SH3PXD2A: variants seen among roughly 807,000 people sequenced by gnomAD.
The protein encoded by SH3PXD2A is SH3 and PX domain-containing protein 2A.
In SH3PXD2A, 32 loss-of-function variants were observed where a neutral mutation model predicts 115.2. That is an observed-to-expected ratio of 0.28 (90% confidence interval 0.21 to 0.37). SH3PXD2A has a LOEUF of 0.37. Ranked by LOEUF, SH3PXD2A falls within the 10% of genes least tolerant of loss-of-function variation. The pLI is 1.00. For missense variants in SH3PXD2A, 1,328 were observed against 1,498.7 expected (o/e 0.89, Z 1.88); for synonymous variants, 610 against 629.1 (o/e 0.97, Z 0.45).
rs1253814122 is a variant in SH3PXD2A at position 103,600,477 on chromosome 10, G to A, written c.*1339C>T. 6.6e-6 allele frequency: 1 copy of A among 152,160 alleles called. No individual in the cohort carries two copies. Among genetic ancestry groups the A allele is most frequent in the African/African-American group, 2.4e-5 (1 of 41,430 alleles). 9.4% of individuals were successfully genotyped at this position (152,160 alleles called of 1,614,324 possible). A position where few individuals can be genotyped will look rare whatever the true frequency, so the allele number is the denominator to read the frequency against. ...TCCAGTCTGACCCAAGGGGCCAGCCGGGTCCCCCCTCTGCCCATAGTGGGG... is the reference window on the plus strand; with the variant it reads ...TCCAGTCTGACCCAAGGGGCCAGCCAGGTCCCCCCTCTGCCCATAGTGGGG... On this transcript the variant is annotated 3_prime_UTR_variant, in exon 15 of 15. Coordinates refer to ENST00000369774, the MANE Select transcript of SH3PXD2A (RefSeq NM_001394015.1).
intron 1 of SH3PXD2A, among the ~76,000 whole-genome samples, chr10:103,809,586 TGTAGCAG>T (rs2039244052): frequency 6.6e-6 from 1 of 152,060 alleles, no homozygotes; most frequent in Non-Finnish European, 1.5e-5. Context: ...TTCAAGAGTG[TGTAGCAG>T]GTACCCATCA....
intron 7 of SH3PXD2A, 101 bp from the exon 8 acceptor site, chr10:103,661,215 C>T (rs2037295620): frequency 1.5e-6 from 2 of 1,367,628 alleles, no homozygotes; most frequent in Non-Finnish European, 2.0e-6. Flanking sequence ...GCTGCTCTGT[C>T]GCCAGCGCCG....
At chr10:103,668,518 A>G (rs1592291447) in intron 7 of SH3PXD2A, 90 bp downstream of exon 7, 3 of 1,110,696 alleles carry the variant, frequency 2.7e-6, no homozygotes, top group Non-Finnish European at 4.0e-6. Flanking sequence ...CATCACAGGG[A>G]AGCATGCGCA....
At chr10:103,757,192 A>C (rs543094741) in intron 3 of SH3PXD2A, among the ~76,000 whole-genome samples, 24 of 152,320 alleles carry the variant, frequency 1.6e-4, no homozygotes, top group African/African-American at 5.8e-4. Flanking sequence ...TGGAGGGTAA[A>C]GGACAGGAGT....
chr10:103,852,332 A>G (rs566747575), intron 1 of SH3PXD2A, among the ~76,000 whole-genome samples: 57 of 152,370 alleles, frequency 3.7e-4, no homozygotes, highest in Middle Eastern at 6.8e-3. Context: ...CGTGGGGATG[A>G]GCAAACCCTT....
chr10:103,657,493 G>A (rs185412265), intron 8 of SH3PXD2A, among the ~76,000 whole-genome samples: 9 of 152,326 alleles, frequency 5.9e-5, no homozygotes, highest in South Asian at 4.1e-4. Flanking sequence ...TAACAATGGC[G>A]GCTGCATGCC....
At chr10:103,732,864 C>A (rs994378392) in intron 4 of SH3PXD2A, among the ~76,000 whole-genome samples, 1 of 152,170 alleles carries the variant, frequency 6.6e-6, no homozygotes, top group Non-Finnish European at 1.5e-5. Flanking sequence ...GGACTGCACA[C>A]GGCACTGTGC....
chr10:103,684,509 C>T lies in SH3PXD2A; in HGVS notation c.427+8519G>A, dbSNP rs532201854. On this transcript the variant is annotated intron_variant, in intron 6 of 14. Transcript: ENST00000369774. ...GAGTAGCTGGGATTACAGGTGCGGG[C>T]CACCACATCCGGCTAATTTTTCGTA... Among the ~76,000 whole-genome samples, 14 of 152,152 alleles carry T rather than the reference C, an allele frequency of 9.2e-5. No homozygotes were observed. The East Asian group carries it at 2.7e-3, about 30-fold the overall frequency.
intron 1 of SH3PXD2A, among the ~76,000 whole-genome samples, chr10:103,845,344 AAG>A (rs201443820): frequency 0.083 from 1,873 of 22,660 alleles, 60 homozygotes; most frequent in Admixed American, 0.18. Context: ...AAAAAAAAAA[AAG>A]AAAAAAGAAA....
At position 103,827,547 on chromosome 10, in the gene SH3PXD2A, G is replaced by A. The variant is rs575326599; in HGVS notation, c.73-26185C>T. Among the ~76,000 whole-genome samples the A allele has an allele frequency of 5.6e-4, 85 of 152,312 alleles. 1 individual carries two copies. Among genetic ancestry groups the A allele is most frequent in the Non-Finnish European group, 1.2e-3 (79 of 68,026 alleles). On this transcript the variant is annotated intron_variant, in intron 1 of 14. Coordinates refer to ENST00000369774, the MANE Select transcript of SH3PXD2A (RefSeq NM_001394015.1). ...TATTTGTAAAGTGAACCTCACAGGA[G>A]TGCTTTGAGAATTAAAGAGGTCATG...
At chr10:103,615,216 C>T (rs1202630950) in intron 11 of SH3PXD2A, among the ~76,000 whole-genome samples, 2 of 152,188 alleles carry the variant, frequency 1.3e-5, no homozygotes, top group African/African-American at 2.4e-5. Flanking sequence ...CCCTCACTGA[C>T]GATTTTTCTA....
intron 7 of SH3PXD2A, among the ~76,000 whole-genome samples, chr10:103,668,159 G>A (rs1375036175): frequency 6.6e-6 from 1 of 152,248 alleles, no homozygotes; most frequent in Non-Finnish European, 1.5e-5. Flanking sequence ...CCTGCCTAAA[G>A]TGAGATGAAC....
intron 6 of SH3PXD2A, among the ~76,000 whole-genome samples, chr10:103,682,444 A>C (rs116676857): frequency 6.6e-6 from 1 of 152,204 alleles, no homozygotes; most frequent in African/African-American, 2.4e-5. Flanking sequence ...AGAGCCATGC[A>C]AATAAAAACT....
At position 103,602,842 on chromosome 10, in the gene SH3PXD2A, G is replaced by A. The variant is rs749969533; in HGVS notation, c.2376C>T (p.Leu792=). The change falls in exon 15 of 15, where the codon CTC becomes CTT. Residue 792 remains leucine, a synonymous_variant. Transcript: ENST00000369774. ...LRPTGQLRGG[L]KGSKSEDSEL... Reference sequence around the variant, plus strand: ...CCGAATCCTCACTCTTGGAGCCCTTGAGCCCTCCACGGAGCTGGCCTGTGG... The same window carrying A: ...CCGAATCCTCACTCTTGGAGCCCTTAAGCCCTCCACGGAGCTGGCCTGTGG... 5 of 1,614,172 alleles carry A rather than the reference G, an allele frequency of 3.1e-6. No individual in the cohort carries two copies. The highest frequency in any genetic ancestry group is 4.5e-5 in the East Asian group (2 of 44,878).
At chr10:103,831,636 A>T (rs1482563075) in intron 1 of SH3PXD2A, among the ~76,000 whole-genome samples, 1 of 152,244 alleles carries the variant, frequency 6.6e-6, no homozygotes, top group Non-Finnish European at 1.5e-5. Context: ...CCTGGGCAAC[A>T]TCATAAGACT....
At chr10:103,608,151 A>AAAAAAAAAAAAAAAAAAGTTAAC (rs1554903075) in intron 13 of SH3PXD2A, among the ~76,000 whole-genome samples, 1 of 71,284 alleles carries the variant, frequency 1.4e-5, no homozygotes, top group African/African-American at 6.3e-5. Context: ...TGATCAATTT[A>AAAAAAAAAAAAAAAAAAGTTAAC]AAAAAAAAAA....
intron 8 of SH3PXD2A, among the ~76,000 whole-genome samples, chr10:103,644,273 T>C (rs2037001323): frequency 6.6e-6 from 1 of 150,774 alleles, no homozygotes; most frequent in Non-Finnish European, 1.5e-5. Flanking sequence ...AGATAATAGA[T>C]GAGAAAAATG....
chr10:103,835,376 G>A (rs1397866398), intron 1 of SH3PXD2A, among the ~76,000 whole-genome samples: 5 of 152,160 alleles, frequency 3.3e-5, no homozygotes, highest in African/African-American at 1.2e-4. Context: ...ATGTCCACCC[G>A]CGATCCCTTC....
At chr10:103,717,596 G>A (rs1241091753) in intron 5 of SH3PXD2A, among the ~76,000 whole-genome samples, 1 of 152,222 alleles carries the variant, frequency 6.6e-6, no homozygotes, top group Non-Finnish European at 1.5e-5. Context: ...CCTACGGCCA[G>A]ATCTTTCTCC....
Sources: allele counts gnomAD v4.1 joint callset (sites outside exome capture counted in the v4.1 genomes callset), GRCh38; gene constraint gnomAD v4.1.1; transcripts MANE v1.5; gene names NCBI Gene and HGNC (gene_info 2026-07-23, HGNC 2026-07-21).